The following SLC16A11 variants were observed in gnomAD, a reference collection of about 807,000 sequenced individuals.
The protein encoded by SLC16A11 is monocarboxylate transporter 11.
A neutral mutation model predicts 26.0 loss-of-function variants in SLC16A11; 24 were observed. The observed-to-expected ratio is 0.92, with a 90% CI of 0.67 to 1.30. The LOEUF (loss-of-function observed/expected upper bound fraction) is 1.30, where lower values mean the gene tolerates loss of function less well. SLC16A11 is among the 50% of genes most tolerant of loss of function. The pLI, the probability that SLC16A11 is intolerant of heterozygous loss-of-function variation, is 0.00. For synonymous variants in SLC16A11, 332 were observed against 296.0 expected, an observed-to-expected ratio of 1.12 and a Z score of -1.25; for missense variants, 638 against 597.7, an observed-to-expected ratio of 1.07 and a Z score of -0.70.
At position 7,043,413 on chromosome 17, in the gene SLC16A11, G is replaced by A. The variant is rs1257398687; in HGVS notation, c.101C>T (p.Ser34Leu). Reference sequence around the variant, plus strand: ...AAGGTCAGGGAAGGCAAGGCCCAGCGAGCGCAGCAGCCCGTAGGACAGCCC... The same window carrying A: ...AAGGTCAGGGAAGGCAAGGCCCAGCAAGCGCAGCAGCCCGTAGGACAGCCC... Reference protein sequence around the residue: ...INGLSYGLLRSLGLAFPDLAE... With the variant: ...INGLSYGLLRLLGLAFPDLAE... The change falls in exon 2 of 5, where the codon TCG becomes TTG. Residue 34 changes from serine to leucine, a missense_variant. By Grantham distance (145) the Ser-to-Leu change is moderately radical. Transcript: ENST00000574600. 1.2e-6 allele frequency: 2 copies of A among 1,605,382 alleles called. No individual in the cohort carries two copies. Among genetic ancestry groups the A allele is most frequent in the South Asian group, 2.2e-5 (2 of 90,550 alleles).
chr17:7,042,639 C>T lies in SLC16A11; in HGVS notation c.471G>A (p.Ala157=), dbSNP rs1376174122. Reference sequence around the variant, plus strand: ...TATCGAGAAGAAGCTGCAAGGCGGGCGCCAGGAGCAGCGAGGAGGCCCCGT... The same window carrying T: ...TATCGAGAAGAAGCTGCAAGGCGGGTGCCAGGAGCAGCGAGGAGGCCCCGT... ...TGNGASSLLL[A]PALQLLLDTF... The change falls in exon 4 of 5, where the codon GCG becomes GCA. Residue 157 remains alanine (A), a synonymous_variant. Coordinates refer to ENST00000574600, the MANE Select transcript of SLC16A11 (RefSeq NM_001370549.1). The surrounding 1 kb of genome is among the most constrained non-coding windows in gnomAD (Gnocchi z 5.9). 3 of 1,571,892 alleles carry T rather than the reference C, an allele frequency of 1.9e-6. No individual in the cohort carries two copies. The East Asian group carries it at 6.9e-5, about 36-fold the overall frequency.
In SLC16A11 at chr17:7,041,761, T is replaced by G. The variant is rs201074878; in HGVS notation, c.1262A>C (p.Glu421Ala). ...GGGAGCGGGAAGCAGCTCCCCCGTC[T>G]CTGGGGGAGGCGTGGCTGGAGGGGA... The part of the protein sequence containing the change: ...PASPPATPPP[E>A]TGELLPAPQA... Residue 421 changes from glutamate (E) to alanine (A), a missense_variant, in exon 5 of 5, where the codon GAG becomes GCG. Coordinates refer to ENST00000574600, the MANE Select transcript of SLC16A11 (RefSeq NM_001370549.1). 388 of 1,613,468 alleles carry G rather than the reference T, an allele frequency of 2.4e-4. 2 individuals are homozygous for G. The highest frequency in any genetic ancestry group is 2.0e-3 in the East Asian group (89 of 44,866).
chr17:7,043,283 C>T, intron 2 of SLC16A11, 29 bp downstream of exon 2: 1 of 1,588,762 alleles, frequency 6.3e-7, no homozygotes, highest in South Asian at 1.1e-5. Context: ...CCTCCCCGTT[C>T]CTGTCTCCCG....
In SLC16A11 at chr17:7,041,687, T is replaced by G. The variant is rs1910739754; in HGVS notation, c.1336A>C (p.Thr446Pro). The G allele has an allele frequency of 2.5e-6, 4 of 1,593,020 alleles. No homozygotes were observed. Among genetic ancestry groups the G allele is most frequent in the Non-Finnish European group, 3.4e-6 (4 of 1,171,112 alleles). Reference protein sequence around the residue: ...PGGPGSTLDTTC With the variant: ...PGGPGSTLDTPC ...CTCAAACAAGAAAATAATCAACAAGTGGTGTCCAGAGTGGAGCCAGGGCCT... is the reference window on the plus strand; with the variant it reads ...CTCAAACAAGAAAATAATCAACAAGGGGTGTCCAGAGTGGAGCCAGGGCCT... The change falls in exon 5 of 5, where the codon ACT becomes CCT. Residue 446 changes from threonine to proline, a missense_variant. Physicochemically the swap from Thr to Pro is conservative, Grantham distance 38. Transcript: ENST00000574600.
rs1276376958 is a variant in SLC16A11 at position 7,043,069 on chromosome 17, G to T, written c.207C>A (p.Pro69=). Residue 69 remains proline, a synonymous_variant, in exon 3 of 5, where the codon CCC becomes CCA. Transcript: ENST00000574600. The part of the protein sequence containing the change: ...LALAVQQAAS[P]VGSALSTRWG... ...AGCGCGTGCTCAGGGCGCTGCCCAC[G>T]GGGCCTGAAAGGGGGCGGAGTCAAC... The T allele has an allele frequency of 6.5e-6, 10 of 1,545,344 alleles. No homozygotes were observed. The highest frequency in any genetic ancestry group is 2.7e-5 in the African/African-American group (2 of 73,008).
rs766756662 is a variant in SLC16A11, at chr17:7,042,891, C to T, written c.346+39G>A. 6.8e-6 allele frequency: 11 copies of T among 1,611,888 alleles called. No homozygotes were observed. Among genetic ancestry groups the T allele is most frequent in the Non-Finnish European group, 9.3e-6 (11 of 1,179,510 alleles). On this transcript the variant is annotated intron_variant, in intron 3 of 4. Coordinates refer to ENST00000574600, the MANE Select transcript of SLC16A11 (RefSeq NM_001370549.1). The surrounding 1 kb of genome is among the most constrained non-coding windows in gnomAD (Gnocchi z 5.9). ...AGATCCCAACAAGCTCCTGTCACCT[C>T]CTTCACCCTGAATGACCCGGGCATC...
In SLC16A11 at chr17:7,042,002, G is replaced by C. The variant is rs1910761337; in HGVS notation, c.1108C>G (p.Leu370Val). The C allele has an allele frequency of 1.3e-6, 2 of 1,580,944 alleles. No homozygotes were observed. The highest frequency in any genetic ancestry group is 1.7e-5 in the Admixed American group (1 of 57,278). Residue 370 changes from leucine to valine, a missense_variant, in exon 4 of 5, where the codon CTG becomes GTG. Coordinates refer to ENST00000574600, the MANE Select transcript of SLC16A11 (RefSeq NM_001370549.1). This position sits in a 1 kb window ranked among gnomAD's most constrained non-coding sequence, Gnocchi z 5.9. Reference sequence around the variant, plus strand: ...TGTGAGCTCAGGTCCTTACCTGACAGGGGAGGGCCCAGGAGCCCCCCGAGG... The same window carrying C: ...TGTGAGCTCAGGTCCTTACCTGACACGGGAGGGCCCAGGAGCCCCCCGAGG... ...MSLGGLLGPP[L>V]SGFLRDETGD...
At position 7,042,295 on chromosome 17, in the gene SLC16A11, A is replaced by G; in HGVS notation, c.815T>C (p.Val272Ala). 1.3e-6 allele frequency: 2 copies of G among 1,557,166 alleles called. No homozygotes were observed. Among genetic ancestry groups the G allele is most frequent in the South Asian group, 1.2e-5 (1 of 84,470 alleles). Reference sequence around the variant, plus strand: ...GCCTTGGTCTGCCAGCCACCCGCAGACCAGCCGGGCGCCCGCATCCCCCAT... The same window carrying G: ...GCCTTGGTCTGCCAGCCACCCGCAGGCCAGCCGGGCGCCCGCATCCCCCAT... ...AAMGDAGARL[V>A]CGWLADQGWV... The change falls in exon 4 of 5, where the codon GTC becomes GCC. Residue 272 changes from valine (V) to alanine (A), a missense_variant. By Grantham distance (64) the Val-to-Ala change is moderately conservative. Coordinates refer to ENST00000574600, the MANE Select transcript of SLC16A11 (RefSeq NM_001370549.1). This position sits in a 1 kb window ranked among gnomAD's most constrained non-coding sequence, Gnocchi z 5.9.
chr17:7,043,397 G>A lies in SLC16A11; in HGVS notation c.117C>T (p.Phe39=), dbSNP rs150663889. The stretch of plus-strand genomic sequence containing the variant: ...GGTCAAAGTGCTCGGCAAGGTCAGG[G>A]AAGGCAAGGCCCAGCGAGCGCAGCA... ...YGLLRSLGLA[F]PDLAEHFDRS... The change falls in exon 2 of 5, where the codon TTC becomes TTT. Residue 39 remains phenylalanine (F), a synonymous_variant. Transcript: ENST00000574600. 556 of 1,609,118 alleles carry A rather than the reference G, an allele frequency of 3.5e-4. 3 individuals carry two copies. In the African/African-American group the frequency reaches 6.7e-3, roughly 20 times the overall value.
In SLC16A11 at chr17:7,042,585, G is replaced by C; in HGVS notation, c.525C>G (p.Leu175=). ...TGAGGTGGAGGGTGATCGCGCCGAG[G>C]AGGAGCAGAGCGCCCCGCCAGCCGA... ...DTFGWRGALL[L]LGAITLHLTP... is the part of the protein sequence containing the mutation. Residue 175 remains leucine (L), a synonymous_variant, in exon 4 of 5, where the codon CTC becomes CTG. Coordinates refer to ENST00000574600, the MANE Select transcript of SLC16A11 (RefSeq NM_001370549.1). This position sits in a 1 kb window ranked among gnomAD's most constrained non-coding sequence, Gnocchi z 5.9. 1 of 1,584,426 alleles carries C rather than the reference G, an allele frequency of 6.3e-7. No homozygotes were observed. The highest frequency in any genetic ancestry group is 8.6e-7 in the Non-Finnish European group (1 of 1,168,356).
At position 7,042,391 on chromosome 17, in the gene SLC16A11, T is replaced by A. The variant is rs775393105; in HGVS notation, c.719A>T (p.His240Leu). Reference protein sequence around the residue: ...VGGGYFVPYVHLAPHALDRGL... With the variant: ...VGGGYFVPYVLLAPHALDRGL... ...CCGGTCTAAAGCGTGGGGAGCCAAGTGCACGTAAGGAACGAAGTACCCGCC... is the reference window on the plus strand; with the variant it reads ...CCGGTCTAAAGCGTGGGGAGCCAAGAGCACGTAAGGAACGAAGTACCCGCC... The change falls in exon 4 of 5, where the codon CAC becomes CTC. Residue 240 changes from histidine (H) to leucine (L), a missense_variant. Coordinates refer to ENST00000574600, the MANE Select transcript of SLC16A11 (RefSeq NM_001370549.1). This position sits in a 1 kb window ranked among gnomAD's most constrained non-coding sequence, Gnocchi z 5.9. The A allele has an allele frequency of 6.4e-7, 1 of 1,565,288 alleles. No individual in the cohort carries two copies. The highest frequency in any genetic ancestry group is 1.2e-5 in the South Asian group (1 of 85,454).
At position 7,042,853 on chromosome 17, in the gene SLC16A11, C is replaced by A; in HGVS notation, c.346+77G>T. ...GGCTCTCCGCACCAGGCCCCCGCCT[C>A]GTTCGCTACCCCAGATCCCAACAAG... On this transcript the variant is annotated intron_variant, in intron 3 of 4. Transcript: ENST00000574600. This position sits in a 1 kb window ranked among gnomAD's most constrained non-coding sequence, Gnocchi z 5.9. The A allele has an allele frequency of 6.3e-7, 1 of 1,595,460 alleles. No individual in the cohort carries two copies. The highest frequency in any genetic ancestry group is 8.5e-7 in the Non-Finnish European group (1 of 1,171,548).
At position 7,041,841 on chromosome 17, in the gene SLC16A11, G is replaced by A. The variant is rs767903632; in HGVS notation, c.1182C>T (p.Ser394=). 32 of 1,613,902 alleles carry A rather than the reference G, an allele frequency of 2.0e-5. No individual in the cohort carries two copies. Among genetic ancestry groups the A allele is most frequent in the Middle Eastern group, 3.3e-4 (2 of 6,082 alleles). The change falls in exon 5 of 5, where the codon TCC becomes TCT. Residue 394 remains serine, a synonymous_variant. Coordinates refer to ENST00000574600, the MANE Select transcript of SLC16A11 (RefSeq NM_001370549.1). Reference sequence around the variant, plus strand: ...GCAACCCTATGTAGATGAAGCTGCCGGAGAGGATCAAAGAACCAGACAGGA... The same window carrying A: ...GCAACCCTATGTAGATGAAGCTGCCAGAGAGGATCAAAGAACCAGACAGGA... The part of the protein sequence containing the change: ...SFLLSGSLIL[S]GSFIYIGLPR...
rs1357508641 is a variant in SLC16A11, at chr17:7,042,549, G to C, written c.561C>G (p.Gly187=). ...GAAGGACCAGGGGTAGCAGCAGGGC[G>C]CCACAGGGGGTGAGGTGGAGGGTGA... is the stretch of plus-strand genomic sequence containing the variant. ...GAITLHLTPC[G]ALLLPLVLPG... is the part of the protein sequence containing the mutation. Residue 187 remains glycine, a synonymous_variant, in exon 4 of 5, where the codon GGC becomes GGG. Transcript: ENST00000574600. The surrounding 1 kb of genome is among the most constrained non-coding windows in gnomAD (Gnocchi z 5.9). 2.5e-6 allele frequency: 4 copies of C among 1,576,442 alleles called. No individual in the cohort carries two copies. Among genetic ancestry groups the C allele is most frequent in the Non-Finnish European group, 3.4e-6 (4 of 1,162,620 alleles).
At position 7,042,135 on chromosome 17, in the gene SLC16A11, A is replaced by G. The variant is rs765443953; in HGVS notation, c.975T>C (p.Tyr325=). 1 of 1,594,668 alleles carries G rather than the reference A, an allele frequency of 6.3e-7. No homozygotes were observed. Among genetic ancestry groups the G allele is most frequent in the Non-Finnish European group, 8.5e-7 (1 of 1,171,280 alleles). The part of the protein sequence containing the change: ...GGPLLAAAVA[Y]GLSAGSYAPL... ...GGGCGTAACTCCCCGCGCTCAGCCCATAGGCCACAGCCGCGGCCAGCAGGG... is the reference window on the plus strand; with the variant it reads ...GGGCGTAACTCCCCGCGCTCAGCCCGTAGGCCACAGCCGCGGCCAGCAGGG... Residue 325 remains tyrosine, a synonymous_variant, in exon 4 of 5, where the codon TAT becomes TAC. Transcript: ENST00000574600. The surrounding 1 kb of genome is among the most constrained non-coding windows in gnomAD (Gnocchi z 5.9).
chr17:7,043,434 A>G lies in SLC16A11; in HGVS notation c.80T>C (p.Leu27Pro). 1.9e-6 allele frequency: 3 copies of G among 1,601,352 alleles called. No individual in the cohort carries two copies. Among genetic ancestry groups the G allele is most frequent in the Non-Finnish European group, 2.5e-6 (3 of 1,177,532 alleles). The change falls in exon 2 of 5, where the codon CTG becomes CCG. Residue 27 changes from leucine (L) to proline (P), a missense_variant. By Grantham distance (98) the Leu-to-Pro change is moderately conservative (BLOSUM62 -3). Coordinates refer to ENST00000574600, the MANE Select transcript of SLC16A11 (RefSeq NM_001370549.1). ...CAGCGAGCGCAGCAGCCCGTAGGAC[A>G]GCCCGTTTATCGCGAAGGCTGCGGC... The part of the protein sequence containing the change: ...VAAAAFAING[L>P]SYGLLRSLGL...
Position 7,042,688 on chromosome 17 carries a change from G to T in SLC16A11, c.422C>A (p.Ala141Glu), listed in dbSNP as rs1207911935. 1 of 1,552,176 alleles carries T rather than the reference G, an allele frequency of 6.4e-7. No homozygotes were observed. The highest frequency in any genetic ancestry group is 1.2e-5 in the South Asian group (1 of 84,998). Residue 141 changes from alanine (A) to glutamate (E), a missense_variant, in exon 4 of 5, where the codon GCG becomes GAG. Transcript: ENST00000574600. The surrounding 1 kb of genome is among the most constrained non-coding windows in gnomAD (Gnocchi z 5.9). ...SRYFSRRRVL[A>E]VGLALTGNGA... ...GTTGCCGGTGAGCGCCAGCCCCACCGCCAAGACTCGACGGCGGGAGAAGTA... is the reference window on the plus strand; with the variant it reads ...GTTGCCGGTGAGCGCCAGCCCCACCTCCAAGACTCGACGGCGGGAGAAGTA...
intron 2 of SLC16A11, 115 bp from the exon 3 acceptor site, chr17:7,043,188 G>A (rs1035705436): frequency 3.4e-6 from 5 of 1,467,882 alleles, no homozygotes; most frequent in Non-Finnish European, 4.5e-6. Context: ...TTGACCTCAA[G>A]ATGCACTCTT....
In SLC16A11 at chr17:7,042,453, G is replaced by A; in HGVS notation, c.657C>T (p.Ala219=). Residue 219 remains alanine (A), a synonymous_variant, in exon 4 of 5, where the codon GCC becomes GCT. Coordinates refer to ENST00000574600, the MANE Select transcript of SLC16A11 (RefSeq NM_001370549.1). The surrounding 1 kb of genome is among the most constrained non-coding windows in gnomAD (Gnocchi z 5.9). The stretch of plus-strand genomic sequence containing the variant: ...CTGTGCCTAGAGCAAAGATTGAGAA[G>A]GCCCGGCGTGTGAACAGACTCAGGC... The part of the protein sequence containing the change: ...ALGLSLFTRR[A]FSIFALGTAL... 1 of 1,556,508 alleles carries A rather than the reference G, an allele frequency of 6.4e-7. No homozygotes were observed. The highest frequency in any genetic ancestry group is 1.2e-5 in the South Asian group (1 of 84,598).
Sources: allele counts gnomAD v4.1 joint callset, GRCh38; gene constraint gnomAD v4.1.1; non-coding constraint Gnocchi (gnomAD v3.1); transcripts MANE v1.5; gene names NCBI Gene and HGNC (gene_info 2026-07-23, HGNC 2026-07-21).